NELFE: variants seen among roughly 807,000 people sequenced by gnomAD.
The protein encoded by NELFE is negative elongation factor E.
A neutral mutation model predicts 55.5 loss-of-function variants in NELFE; 26 were observed. That is an observed-to-expected ratio of 0.47 (90% CI 0.34 to 0.65). The LOEUF (loss-of-function observed/expected upper bound fraction) is 0.65. Ranked by LOEUF, NELFE falls within the 30% of genes least tolerant of loss-of-function variation. NELFE has a pLI of 0.01. For synonymous variants in NELFE, 162 were observed against 178.0 expected, an observed-to-expected ratio of 0.91 and a Z score of 0.72; for missense variants, 403 against 506.9, an observed-to-expected ratio of 0.80 and a Z score of 1.97.
At position 31,954,637 on chromosome 6, in the gene NELFE, C is replaced by T. The variant is rs190228597; in HGVS notation, c.660G>A (p.Arg220=). Residue 220 remains arginine (R), a synonymous_variant, in exon 7 of 11, where the codon CGG becomes CGA. Transcript: ENST00000375429. The surrounding 1 kb of genome is among the most constrained non-coding windows in gnomAD (Gnocchi z 5.5). ...RDRDRERDRD[R]DRDRDRDRER... is the part of the protein sequence containing the mutation. ...CCCGGTCTCGATCTCGATCCCGATC[C>T]CGATCCCTGTCCCGCTCTCTGTCTC... is the stretch of plus-strand genomic sequence containing the variant. The T allele has an allele frequency of 4.2e-5, 67 of 1,606,652 alleles. No individual in the cohort carries two copies. Among genetic ancestry groups the T allele is most frequent in the Admixed American group, 3.7e-4 (22 of 59,400 alleles).
At chr6:31,953,613 T>C (rs1032955743) in intron 10 of NELFE, 116 bp downstream of exon 10, 30 of 855,000 alleles carry the variant, frequency 3.5e-5, no homozygotes, top group Non-Finnish European at 5.4e-5. Flanking sequence ...CCCATTCCCA[T>C]AGCCTCCGCA....
intron 1 of NELFE, 94 bp from the exon 2 acceptor site, chr6:31,958,548 G>A (rs762632177): frequency 1.9e-5 from 19 of 1,011,594 alleles, no homozygotes; most frequent in Non-Finnish European, 2.8e-5. Flanking sequence ...ACCCCTTCAG[G>A]TCTGCCTACT....
intron 1 of NELFE, 144 bp downstream of exon 1, chr6:31,958,748 T>C: frequency 1.4e-6 from 1 of 701,586 alleles, no homozygotes; most frequent in Non-Finnish European, 2.6e-6. Flanking sequence ...CCCCCTACCC[T>C]CGCTAGGGTA....
chr6:31,955,386 T>A, intron 4 of NELFE, 93 bp from the exon 5 acceptor site: 1 of 812,282 alleles, frequency 1.2e-6, no homozygotes, highest in East Asian at 2.6e-5. Flanking sequence ...CTTCTAGGTT[T>A]CCTCTGATCT....
Position 31,952,129 on chromosome 6 carries a change from A to C in NELFE, c.*172T>G. 1 of 1,532,820 alleles carries C rather than the reference A, an allele frequency of 6.5e-7. No individual in the cohort carries two copies. 95.0% of individuals were successfully genotyped at this position (1,532,820 alleles called of 1,614,324 possible). A position where few individuals can be genotyped will look rare whatever the true frequency, so the allele number is the denominator to read the frequency against. On this transcript the variant is annotated 3_prime_UTR_variant, in exon 11 of 11. Coordinates refer to ENST00000375429, the MANE Select transcript of NELFE (RefSeq NM_002904.6). ...TGGGGCAAGGGAGTGGGGAACAGGC[A>C]CTGGCCATGTTGTTACACTGAGATC...
chr6:31,954,017 T>G lies in NELFE; in HGVS notation c.942+63A>C. On this transcript the variant is annotated intron_variant, in intron 9 of 10. Coordinates refer to ENST00000375429, the MANE Select transcript of NELFE (RefSeq NM_002904.6). The surrounding 1 kb of genome is among the most constrained non-coding windows in gnomAD (Gnocchi z 5.5). ...ACCAACTTCTTCCTGGCATCTAGTATTTTGAGGAGAACACATGAGAACAGC... is the reference window on the plus strand; with the variant it reads ...ACCAACTTCTTCCTGGCATCTAGTAGTTTGAGGAGAACACATGAGAACAGC... 1.3e-6 allele frequency: 2 copies of G among 1,563,818 alleles called. No homozygotes were observed. The highest frequency in any genetic ancestry group is 1.8e-6 in the Non-Finnish European group (2 of 1,137,466).
Position 31,954,120 on chromosome 6 carries a change from G to A in NELFE, c.902C>T (p.Thr301Ile). 1.2e-6 allele frequency: 2 copies of A among 1,613,982 alleles called. No homozygotes were observed. The highest frequency in any genetic ancestry group is 1.7e-6 in the Non-Finnish European group (2 of 1,180,018). Residue 301 changes from threonine (T) to isoleucine (I), a missense_variant, in exon 9 of 11, where the codon ACC (threonine) becomes ATC (isoleucine). Thr to Ile is a moderately conservative substitution (Grantham distance 89). Around this residue, in one of 3 missense-constraint regions of NELFE, gnomAD observed 77 missense variants for 123.3 expected, o/e 0.62. Transcript: ENST00000375429. This position sits in a 1 kb window ranked among gnomAD's most constrained non-coding sequence, Gnocchi z 5.5. The stretch of plus-strand genomic sequence containing the variant: ...ATCTGCTGACTCCATCTTTTCATAG[G>A]TGACGAAGGCACAGCTGGGATAAGA... ...MDPPRNCAFV[T>I]YEKMESADQA...
rs750443296 is a variant in NELFE, at chr6:31,955,215, T to C, written c.366+4A>G. The stretch of plus-strand genomic sequence containing the variant: ...CCTCAGGGACAGAAATTAGGAGCCT[T>C]TACCTCTTGCAGGTCATCATCAGCA... On this transcript the variant is annotated splice_donor_region_variant and intron_variant, in intron 5 of 10. Coordinates refer to ENST00000375429, the MANE Select transcript of NELFE (RefSeq NM_002904.6). The C allele has an allele frequency of 8.1e-6, 13 of 1,609,906 alleles. No homozygotes were observed. The highest frequency in any genetic ancestry group is 1.3e-5 in the African/African-American group (1 of 74,696).
chr6:31,955,600 T>C (rs1191006614), intron 4 of NELFE, among the ~76,000 whole-genome samples: 1 of 150,576 alleles, frequency 6.6e-6, no homozygotes, highest in East Asian at 2.0e-4. Context: ...AGATGTGCTC[T>C]ACCATGCTTG....
intron 1 of NELFE, 152 bp downstream of exon 1, chr6:31,958,740 C>T: frequency 1.4e-6 from 1 of 702,510 alleles, no homozygotes; most frequent in East Asian, 2.7e-5. Context: ...CACCCGACCC[C>T]CCTACCCTCG....
In NELFE at chr6:31,957,649, T is replaced by G. The variant is rs139395909; in HGVS notation, c.76-639A>C. On this transcript the variant is annotated intron_variant, in intron 2 of 10. Coordinates refer to ENST00000375429, the MANE Select transcript of NELFE (RefSeq NM_002904.6). ...AAGAAGGCTTTGGGAATGCATCTTT[T>G]GGAAGTAGTGAATAGTTCTACTTTA... Among the ~76,000 whole-genome samples the G allele has an allele frequency of 1.1e-3, 168 of 152,374 alleles. 1 individual carries two copies. In the East Asian group the frequency reaches 0.026, roughly 24 times the overall value.
Position 31,954,661 on chromosome 6 carries a change from T to C in NELFE, c.636A>G (p.Arg212=). The change falls in exon 7 of 11, where the codon AGA becomes AGG. Residue 212 remains arginine (R), a synonymous_variant. Coordinates refer to ENST00000375429, the MANE Select transcript of NELFE (RefSeq NM_002904.6). This position sits in a 1 kb window ranked among gnomAD's most constrained non-coding sequence, Gnocchi z 5.5. ...RERDRDRDRD[R]DRERDRDRDR... is the part of the protein sequence containing the mutation. ...CCCGATCCCTGTCCCGCTCTCTGTC[T>C]CTGTCTCGATCCCGGTCTCGATCCC... 2 of 1,598,338 alleles carry C rather than the reference T, an allele frequency of 1.3e-6. No homozygotes were observed. Among genetic ancestry groups the C allele is most frequent in the East Asian group, 2.2e-5 (1 of 44,522 alleles).
rs1033623103 is a variant in NELFE at position 31,957,090 on chromosome 6, C to T, written c.76-80G>A. On this transcript the variant is annotated intron_variant, in intron 2 of 10. Transcript: ENST00000375429. ...CCTCTCCTAAGGCCCCTGGGCACAT[C>T]ACTCCAGGGACCGTCTTTCTTGATG... The T allele has an allele frequency of 2.2e-5, 28 of 1,273,364 alleles. No homozygotes were observed. In the African/African-American group the frequency reaches 3.7e-4, roughly 17 times the overall value. 78.9% of individuals were successfully genotyped at this position (1,273,364 alleles called of 1,614,324 possible). A position where few individuals can be genotyped will look rare whatever the true frequency, so the allele number is the denominator to read the frequency against.
At position 31,954,023 on chromosome 6, in the gene NELFE, G is replaced by A; in HGVS notation, c.942+57C>T. On this transcript the variant is annotated intron_variant, in intron 9 of 10. Coordinates refer to ENST00000375429, the MANE Select transcript of NELFE (RefSeq NM_002904.6). The surrounding 1 kb of genome is among the most constrained non-coding windows in gnomAD (Gnocchi z 5.5). ...TTCTTCCTGGCATCTAGTATTTTGAGGAGAACACATGAGAACAGCAGAAGC... is the reference window on the plus strand; with the variant it reads ...TTCTTCCTGGCATCTAGTATTTTGAAGAGAACACATGAGAACAGCAGAAGC... 2 of 1,574,990 alleles carry A rather than the reference G, an allele frequency of 1.3e-6. No homozygotes were observed. Among genetic ancestry groups the A allele is most frequent in the Non-Finnish European group, 1.7e-6 (2 of 1,147,074 alleles).
At chr6:31,955,008 T>A (rs775800790) in intron 6 of NELFE, 51 bp downstream of exon 6, 3 of 1,613,356 alleles carry the variant, frequency 1.9e-6, no homozygotes, top group Non-Finnish European at 2.5e-6. Flanking sequence ...TCCCAAGGAC[T>A]CAGGCAATCA....
rs142824536 is a variant in NELFE, at chr6:31,957,016, A to T, written c.76-6T>A. On this transcript the variant is annotated splice_region_variant and splice_polypyrimidine_tract_variant and intron_variant, in intron 2 of 10. Coordinates refer to ENST00000375429, the MANE Select transcript of NELFE (RefSeq NM_002904.6). ...AGAGCCAGCAATGCCTTTTTCTGGGAACAAGGGTGAGAAGAGAGAGGTAAG... is the reference window on the plus strand; with the variant it reads ...AGAGCCAGCAATGCCTTTTTCTGGGTACAAGGGTGAGAAGAGAGAGGTAAG... 1,992 of 1,594,770 alleles carry T rather than the reference A, an allele frequency of 1.2e-3. No homozygotes were observed. Among genetic ancestry groups the T allele is most frequent in the Non-Finnish European group, 1.6e-3 (1,810 of 1,165,898 alleles).
In NELFE at chr6:31,954,614, C is replaced by T. The variant is rs566216256; in HGVS notation, c.683G>A (p.Arg228Gln). The change falls in exon 7 of 11, where the codon CGG becomes CAG. Residue 228 changes from arginine to glutamine, a missense_variant. Physicochemically the swap from Arg to Gln is conservative, Grantham distance 43. This residue lies in a region of NELFE where 229 missense variants were observed against 228.3 expected (regional missense o/e 1.00). Transcript: ENST00000375429. This position sits in a 1 kb window ranked among gnomAD's most constrained non-coding sequence, Gnocchi z 5.5. ...CCGCTCCCGATCCCTGTCCCGTTCCCGGTCTCGATCTCGATCCCGATCCCG... is the reference window on the plus strand; with the variant it reads ...CCGCTCCCGATCCCTGTCCCGTTCCTGGTCTCGATCTCGATCCCGATCCCG... ...RDRDRDRDRDRERDRDRERDR... is the reference protein window; with the variant it reads ...RDRDRDRDRDQERDRDRERDR... The T allele has an allele frequency of 1.1e-5, 18 of 1,609,964 alleles. No individual in the cohort carries two copies. The highest frequency in any genetic ancestry group is 5.4e-5 in the African/African-American group (4 of 74,698).
In NELFE at chr6:31,953,768, G is replaced by C; in HGVS notation, c.1006C>G (p.Leu336Val). The part of the protein sequence containing the change: ...KVNIARKQPM[L>V]DAATGKSVWG... ...ACAGACTTGCCAGTAGCGGCATCCA[G>C]CATGGGCTGTTTTCGGGCTATGTTG... The change falls in exon 10 of 11, where the codon CTG (leucine) becomes GTG (valine). Residue 336 changes from leucine to valine, a missense_variant. Coordinates refer to ENST00000375429, the MANE Select transcript of NELFE (RefSeq NM_002904.6). The C allele has an allele frequency of 6.2e-7, 1 of 1,613,062 alleles. No individual in the cohort carries two copies. The highest frequency in any genetic ancestry group is 1.1e-5 in the South Asian group (1 of 91,086).
Position 31,953,730 on chromosome 6 carries a change from G to C in NELFE, c.1044C>G (p.Leu348=). ...AATGKSVWGS[L]AVQNSPKGCH... The stretch of plus-strand genomic sequence containing the variant: ...GGAAAGGAAGAATCCCATTCTTACC[G>C]AGGGAGCCCCAGACAGACTTGCCAG... The change falls in exon 10 of 11, where the codon CTC becomes CTG. Residue 348 remains leucine (L), a splice_region_variant and synonymous_variant. Coordinates refer to ENST00000375429, the MANE Select transcript of NELFE (RefSeq NM_002904.6). The C allele has an allele frequency of 6.2e-7, 1 of 1,611,816 alleles. No individual in the cohort carries two copies. The highest frequency in any genetic ancestry group is 8.5e-7 in the Non-Finnish European group (1 of 1,178,940).
Sources: allele counts gnomAD v4.1 joint callset (sites outside exome capture counted in the v4.1 genomes callset), GRCh38; gene constraint gnomAD v4.1.1; regional missense constraint gnomAD v4.1.1; non-coding constraint Gnocchi (gnomAD v3.1); transcripts MANE v1.5; gene names NCBI Gene and HGNC (gene_info 2026-07-23, HGNC 2026-07-21).